ASTN2: variants seen among roughly 807,000 people sequenced by gnomAD.
The protein encoded by ASTN2 is astrotactin 2.
A neutral mutation model predicts 139.8 loss-of-function variants in ASTN2; 54 were observed. That is an observed-to-expected ratio of 0.39 (90% CI 0.31 to 0.48). The LOEUF is 0.48. Ranked by LOEUF, ASTN2 falls within the 20% of genes least tolerant of loss-of-function variation. ASTN2 has a pLI of 0.95. For missense variants in ASTN2, 1,565 were observed against 1,725.1 expected, an observed-to-expected ratio of 0.91 and a Z score of 1.64; for synonymous variants, 756 against 719.5, an observed-to-expected ratio of 1.05 and a Z score of -0.81.
At chr9:117,109,910 T>C (rs1829208091) in intron 4 of ASTN2, among the ~76,000 whole-genome samples, 1 of 152,144 alleles carries the variant, frequency 6.6e-6, no homozygotes, top group African/African-American at 2.4e-5. Context: ...TACAAGTATA[T>C]CTTCTCCCTC....
In ASTN2 at chr9:116,687,118, G is replaced by A. The variant is rs371331075; in HGVS notation, c.2807-35325C>T. 252 of 1,122,688 alleles carry A rather than the reference G, an allele frequency of 2.2e-4. No homozygotes were observed. In the East Asian group the frequency reaches 8.2e-3, roughly 37 times the overall value. 69.5% of individuals were successfully genotyped at this position (1,122,688 alleles called of 1,614,324 possible). ...CCCATGGGCGTCGGTTTCTTCATCTGCACCAAGGAGACGGAAAACTGGATT... is the reference window on the plus strand; with the variant it reads ...CCCATGGGCGTCGGTTTCTTCATCTACACCAAGGAGACGGAAAACTGGATT... On this transcript the variant is annotated intron_variant, in intron 16 of 22. Coordinates refer to ENST00000313400, the MANE Select transcript of ASTN2 (RefSeq NM_001365068.1).
At chr9:116,487,915 T>C (rs1176705346) in intron 19 of ASTN2, among the ~76,000 whole-genome samples, 3 of 152,208 alleles carry the variant, frequency 2.0e-5, no homozygotes, top group Non-Finnish European at 2.9e-5. Context: ...CTTCTTTGTA[T>C]AATGAAGGAA....
At chr9:116,758,186 G>C (rs1829583769) in intron 13 of ASTN2, among the ~76,000 whole-genome samples, 1 of 152,182 alleles carries the variant, frequency 6.6e-6, no homozygotes, top group Admixed American at 6.5e-5. Flanking sequence ...AATGTAGTAA[G>C]AAGTCAATTA....
intron 1 of ASTN2, among the ~76,000 whole-genome samples, chr9:117,379,447 G>A (rs1374927067): frequency 6.6e-6 from 1 of 152,120 alleles, no homozygotes; most frequent in Non-Finnish European, 1.5e-5. Context: ...TGACTGGCTG[G>A]CTCCAAAAAT....
chr9:116,771,759 T>A (rs1364610872), intron 13 of ASTN2, among the ~76,000 whole-genome samples: 1 of 152,254 alleles, frequency 6.6e-6, no homozygotes, highest in Non-Finnish European at 1.5e-5. Context: ...TGGAGATTTA[T>A]GGATCAAGTG....
At chr9:117,396,794 G>A (rs1444355613) in intron 1 of ASTN2, among the ~76,000 whole-genome samples, 1 of 151,994 alleles carries the variant, frequency 6.6e-6, no homozygotes, top group Non-Finnish European at 1.5e-5. Context: ...TCAAGCTCCT[G>A]ACCTCAAGTG....
intron 12 of ASTN2, among the ~76,000 whole-genome samples, chr9:116,815,622 G>T (rs536553295): frequency 6.6e-6 from 1 of 151,078 alleles, no homozygotes. Flanking sequence ...TGGCAAACAC[G>T]GTGAAACCCC....
intron 3 of ASTN2, among the ~76,000 whole-genome samples, chr9:117,182,857 A>G (rs1471162139): frequency 6.6e-6 from 1 of 152,178 alleles, no homozygotes; most frequent in Non-Finnish European, 1.5e-5. Flanking sequence ...CTAGGCCATT[A>G]AGCAAGCCAA....
chr9:116,726,403 T>C (rs1383941610), intron 15 of ASTN2, among the ~76,000 whole-genome samples: 11 of 152,162 alleles, frequency 7.2e-5, no homozygotes, highest in South Asian at 6.2e-4. Context: ...GAGACTAAAA[T>C]TGAGTTATCT....
At chr9:117,299,623 G>A (rs1013321344) in intron 1 of ASTN2, among the ~76,000 whole-genome samples, 1 of 152,184 alleles carries the variant, frequency 6.6e-6, no homozygotes, top group African/African-American at 2.4e-5. Flanking sequence ...CCATTATAGA[G>A]AGAGGCTGGG....
intron 10 of ASTN2, among the ~76,000 whole-genome samples, chr9:116,899,814 C>T (rs916198296): frequency 2.0e-5 from 3 of 152,170 alleles, no homozygotes; most frequent in African/African-American, 7.2e-5. Context: ...TCCCCAACTG[C>T]TCCTGCATAT....
At chr9:117,098,544 G>T (rs776982744) in intron 4 of ASTN2, among the ~76,000 whole-genome samples, 5 of 152,082 alleles carry the variant, frequency 3.3e-5, no homozygotes, top group African/African-American at 9.7e-5. Flanking sequence ...ATCAGGCAAG[G>T]TCTGTCCCGG....
chr9:116,936,161 TCACTACCACCAACAC>T (rs1835069653), intron 10 of ASTN2, among the ~76,000 whole-genome samples: 2 of 3,182 alleles, frequency 6.3e-4, no homozygotes, highest in Non-Finnish European at 1.3e-3. Context: ...ACCACCTCCA[TCACTACCACCAACAC>T]CATCGCCACC....
chr9:116,481,957 C>T (rs1849182606), intron 20 of ASTN2, among the ~76,000 whole-genome samples: 1 of 152,170 alleles, frequency 6.6e-6, no homozygotes, highest in South Asian at 2.1e-4. Flanking sequence ...TACTCCTTCT[C>T]ATTATGTGAC....
Position 116,803,500 on chromosome 9 carries a change from ATATATATATATATATATATATATTTTT to A in ASTN2, c.2396+2105_2396+2131del, listed in dbSNP as rs1292680607. Among the ~76,000 whole-genome samples, 8 of 14,262 alleles carry A rather than the reference ATATATATATATATATATATATATTTTT, an allele frequency of 5.6e-4. No homozygotes were observed. The East Asian group carries it at 8.0e-3, about 14-fold the overall frequency. The allele number at this position is 14,262 out of a possible 152,430, so 9.4% of individuals were successfully genotyped here. A position where few individuals can be genotyped will look rare whatever the true frequency, so the allele number is the denominator to read the frequency against. On this transcript the variant is annotated intron_variant, in intron 13 of 22. Coordinates refer to ENST00000313400, the MANE Select transcript of ASTN2 (RefSeq NM_001365068.1). The stretch of plus-strand genomic sequence containing the variant: ...TCGAATAATATATATATATATATAT[ATATATATATATATATATATATATTTTT>A]TTTTTTTTTTTTTTTTAGACGGAGT...
At chr9:116,485,199 C>A (rs553365156) in intron 20 of ASTN2, among the ~76,000 whole-genome samples, 1 of 152,296 alleles carries the variant, frequency 6.6e-6, no homozygotes, top group African/African-American at 2.4e-5. Flanking sequence ...ATGATCCCTT[C>A]AAGTCCTCCT....
At chr9:116,559,455 T>C (rs1852798250) in intron 19 of ASTN2, among the ~76,000 whole-genome samples, 1 of 152,136 alleles carries the variant, frequency 6.6e-6, no homozygotes, top group Admixed American at 6.6e-5. Flanking sequence ...ATAATTCTTT[T>C]CTGAATTAAA....
intron 10 of ASTN2, among the ~76,000 whole-genome samples, chr9:116,966,911 T>C (rs1836026942): frequency 6.6e-6 from 1 of 152,192 alleles, no homozygotes; most frequent in South Asian, 2.1e-4. Flanking sequence ...TCCTCCATCT[T>C]ACAGAGAATG....
At chr9:117,374,850 T>C (rs960195106) in intron 1 of ASTN2, among the ~76,000 whole-genome samples, 2 of 152,092 alleles carry the variant, frequency 1.3e-5, no homozygotes, top group Non-Finnish European at 2.9e-5. Context: ...ATAATCCAGG[T>C]TGACCAGAAG....
Sources: gnomAD v4.1 joint callset for allele counts (sites outside exome capture counted in the v4.1 genomes callset) on GRCh38, gnomAD v4.1.1 for gene constraint, MANE v1.5 for transcripts, NCBI Gene and HGNC (gene_info 2026-07-23, HGNC 2026-07-21) for gene names.